ATAD2: variants seen among roughly 807,000 people sequenced by gnomAD.
The protein encoded by ATAD2 is ATPase family AAA domain containing 2.
In ATAD2, 62 loss-of-function variants were observed where a neutral mutation model predicts 168.9. That is an observed-to-expected ratio of 0.37 (90% confidence interval 0.30 to 0.45). The LOEUF is 0.45. Among genes scored for constraint, ATAD2 ranks in the 20% least tolerant of loss-of-function variants. ATAD2 has a pLI of 1.00. For synonymous variants in ATAD2, 613 were observed against 571.6 expected (o/e 1.07, Z -1.03); for missense variants, 1,419 against 1,667.8 (o/e 0.85, Z 2.60).
intron 14 of ATAD2, 104 bp from the exon 15 acceptor site, chr8:123,348,377 T>A: frequency 1.1e-6 from 1 of 950,438 alleles, no homozygotes; most frequent in Non-Finnish European, 1.5e-6. Flanking sequence ...AATTTTAAAG[T>A]GATCAGTACT....
chr8:123,337,430 A>G (rs1353121029), intron 21 of ATAD2, among the ~76,000 whole-genome samples, 195 bp downstream of exon 21: 1 of 152,184 alleles, frequency 6.6e-6, no homozygotes, highest in Non-Finnish European at 1.5e-5. Context: ...GACAAAGTTA[A>G]TTGTCTGCAG....
chr8:123,341,949 G>A (rs1828074667), intron 19 of ATAD2, among the ~76,000 whole-genome samples: 1 of 152,150 alleles, frequency 6.6e-6, no homozygotes, highest in Non-Finnish European at 1.5e-5. Context: ...AGCTGGGCAT[G>A]GTGGCGGATG....
rs1369427753 is a variant in ATAD2 at position 123,396,266 on chromosome 8, A to T, written c.92T>A (p.Leu31Gln). ...GAGCCGCCTCCGGCCGATGTGCTCC[A>T]GACTGAGGAAGTCACTGGACAGGTC... ...SLDLSSDFLS[L>Q]EHIGRRRLRS... is the part of the protein sequence containing the mutation. The change falls in exon 1 of 28, where the codon CTG becomes CAG. Residue 31 changes from leucine (L) to glutamine (Q), a missense_variant. Physicochemically the swap from Leu to Gln is moderately radical, Grantham distance 113 (BLOSUM62 -2). Transcript: ENST00000287394. 2 of 1,610,946 alleles carry T rather than the reference A, an allele frequency of 1.2e-6. No homozygotes were observed. The highest frequency in any genetic ancestry group is 1.7e-5 in the Admixed American group (1 of 59,972).
intron 24 of ATAD2, among the ~76,000 whole-genome samples, chr8:123,332,851 T>C (rs1203223053): frequency 5.5e-5 from 2 of 36,092 alleles, no homozygotes; most frequent in Admixed American, 5.1e-4. Context: ...TTTCCATATA[T>C]ATATATTCTT....
upstream of ATAD2, chr8:123,401,140 C>T: frequency 8.4e-7 from 1 of 1,188,592 alleles, no homozygotes; most frequent in Non-Finnish European, 1.2e-6. Context: ...GGTGGTGGCT[C>T]CAGCAGGAGT....
Position 123,323,021 on chromosome 8 carries a change from A to C in ATAD2, c.4048T>G (p.Phe1350Val). ...ACTGCATACAAATTTTCCAACTGAA[A>C]TATGTTGTAGTTTTGACTTTTTTTA... is the stretch of plus-strand genomic sequence containing the variant. ...VVKKSQNYNI[F>V]QLENLYAVIS... Residue 1350 changes from phenylalanine to valine, a missense_variant, in exon 27 of 28, where the codon TTT (phenylalanine) becomes GTT (valine). Phe to Val is a conservative substitution (Grantham distance 50, BLOSUM62 -1). Coordinates refer to ENST00000287394, the MANE Select transcript of ATAD2 (RefSeq NM_014109.4). 2 of 1,612,730 alleles carry C rather than the reference A, an allele frequency of 1.2e-6. No homozygotes were observed. The highest frequency in any genetic ancestry group is 1.7e-6 in the Non-Finnish European group (2 of 1,178,836).
Position 123,348,192 on chromosome 8 carries a change from T to C in ATAD2, c.1888A>G (p.Asn630Asp), listed in dbSNP as rs1353624620. The change falls in exon 15 of 28, where the codon AAC becomes GAC. Residue 630 changes from asparagine (N) to aspartate (D), a missense_variant. By Grantham distance (23) the Asn-to-Asp change is conservative. Around this residue, in one of 5 missense-constraint regions of ATAD2, gnomAD observed 545 missense variants for 724.9 expected, o/e 0.75. Transcript: ENST00000287394. ...TTAAAACAATGTTTACCAACACAGT[T>C]TTCTGCTAGCTCTTCTAAAAATGTG... is the stretch of plus-strand genomic sequence containing the variant. ...LDTFLEELAE[N>D]CVGYCGADIK... 6.3e-7 allele frequency: 1 copy of C among 1,588,448 alleles called. No individual in the cohort carries two copies. Among genetic ancestry groups the C allele is most frequent in the Non-Finnish European group, 8.5e-7 (1 of 1,169,618 alleles).
chr8:123,334,270 T>G lies in ATAD2; in HGVS notation c.3264A>C (p.Ile1088=). The G allele has an allele frequency of 6.2e-7, 1 of 1,602,788 alleles. No individual in the cohort carries two copies. The highest frequency in any genetic ancestry group is 1.1e-5 in the South Asian group (1 of 88,154). The stretch of plus-strand genomic sequence containing the variant: ...AGTCTTCATCAAGTTCTTCTTTAAT[T>G]ATGGCATAGGCAGTATCTCTTAAAG... The part of the protein sequence containing the change: ...ACALRDTAYA[I]IKEELDEDFE... Residue 1088 remains isoleucine (I), a synonymous_variant, in exon 23 of 28, where the codon ATA becomes ATC. Coordinates refer to ENST00000287394, the MANE Select transcript of ATAD2 (RefSeq NM_014109.4).
chr8:123,325,803 CCCATGTAG>C, intron 26 of ATAD2, 82 bp downstream of exon 26: 2 of 1,481,390 alleles, frequency 1.4e-6, no homozygotes, highest in Non-Finnish European at 9.2e-7. Flanking sequence ...TCATGTAAAT[CCCATGTAG>C]CCAGAATGCT....
chr8:123,413,331 G>T (rs1157759625), intron 1 of ATAD2, among the ~76,000 whole-genome samples: 1 of 150,702 alleles, frequency 6.6e-6, no homozygotes, highest in African/African-American at 2.4e-5. Context: ...ACTGTCAATA[G>T]TTGCTGAATA....
In ATAD2 at chr8:123,371,769, T is replaced by C. The variant is rs1001406630; in HGVS notation, c.437A>G (p.His146Arg). 17 of 1,613,484 alleles carry C rather than the reference T, an allele frequency of 1.1e-5. No individual in the cohort carries two copies. Among genetic ancestry groups the C allele is most frequent in the Admixed American group, 6.7e-5 (4 of 59,874 alleles). ...CACTTCAACATCACCATTATCTTCA[T>C]GTAAGTGTTCTGTACTTTGAACGAT... ...RNIVQSTEHL[H>R]EDNGDVEVRR... The change falls in exon 4 of 28, where the codon CAT becomes CGT. Residue 146 changes from histidine to arginine, a missense_variant. Physicochemically the swap from His to Arg is conservative, Grantham distance 29. Coordinates refer to ENST00000287394, the MANE Select transcript of ATAD2 (RefSeq NM_014109.4).
upstream of ATAD2, chr8:123,400,606 G>T: frequency 1.7e-6 from 1 of 592,632 alleles, no homozygotes; most frequent in South Asian, 1.5e-5. This position sits in a 1 kb window ranked among gnomAD's most constrained non-coding sequence, Gnocchi z 4.5. Context: ...CCAGGGCACC[G>T]GCTGCGTGCC....
chr8:123,402,139 G>T lies in ATAD2; in HGVS notation c.-2281-964C>A. 2 of 775,996 alleles carry T rather than the reference G, an allele frequency of 2.6e-6. 1 individual carries two copies. Among genetic ancestry groups the T allele is most frequent in the South Asian group, 2.9e-5 (2 of 69,268 alleles). The allele number at this position is 775,996 out of a possible 1,614,324, so 48.1% of individuals were successfully genotyped here. ...AGTGGAGGCCGAGGTGGTGGAGGGG[G>T]CACCCCCCAGTGTCCACCTTCGGGC... is the stretch of plus-strand genomic sequence containing the variant. On this transcript the variant is annotated intron_variant, in intron 1 of 28. Transcript: ENST00000521903. The surrounding 1 kb of genome is among the most constrained non-coding windows in gnomAD (Gnocchi z 4.8).
chr8:123,357,788 T>C, intron 11 of ATAD2, 52 bp from the exon 12 acceptor site: 1 of 1,491,304 alleles, frequency 6.7e-7, no homozygotes, highest in Non-Finnish European at 9.0e-7. Flanking sequence ...AGCAGACTTT[T>C]AAAACAAAAA....
In ATAD2 at chr8:123,346,632, A is replaced by G. The variant is rs764020423; in HGVS notation, c.2331T>C (p.Phe777=). 94 of 1,561,430 alleles carry G rather than the reference A, an allele frequency of 6.0e-5. No homozygotes were observed. Among genetic ancestry groups the G allele is most frequent in the Non-Finnish European group, 8.0e-5 (92 of 1,154,968 alleles). The change falls in exon 17 of 28, where the codon TTT becomes TTC. Residue 777 remains phenylalanine (F), a synonymous_variant. Transcript: ENST00000287394. ...GAAAAATATACCTATTCAAATGAAGAAAATTAAAATTGTCTTTTGCCTTAT... is the reference window on the plus strand; with the variant it reads ...GAAAAATATACCTATTCAAATGAAGGAAATTAAAATTGTCTTTTGCCTTAT... The part of the protein sequence containing the change: ...SSHKAKDNFN[F]LHLNRNACYQ...
intron 7 of ATAD2, among the ~76,000 whole-genome samples, chr8:123,369,583 T>A (rs1039971211): frequency 1.3e-5 from 2 of 152,256 alleles, no homozygotes; most frequent in Admixed American, 1.3e-4. Flanking sequence ...CAGTCTAAAG[T>A]AAAGACAGAT....
At chr8:123,370,867 T>A in intron 6 of ATAD2, 36 bp downstream of exon 6, 1 of 1,489,576 alleles carries the variant, frequency 6.7e-7, no homozygotes, top group Non-Finnish European at 9.1e-7. Flanking sequence ...GTTCTTAAAT[T>A]CAATCCCAGA....
chr8:123,324,935 C>T (rs1299306924), intron 26 of ATAD2, among the ~76,000 whole-genome samples: 1 of 151,912 alleles, frequency 6.6e-6, no homozygotes, highest in Non-Finnish European at 1.5e-5. Flanking sequence ...TTGGGCCAGG[C>T]ATGGTGGCTC....
intron 13 of ATAD2, 120 bp downstream of exon 13, chr8:123,356,269 C>T: frequency 4.0e-6 from 3 of 746,272 alleles, no homozygotes; most frequent in East Asian, 3.0e-5. Flanking sequence ...GGTTCTACTA[C>T]CAAAAAAAGG....
Sources: allele counts gnomAD v4.1 joint callset (sites outside exome capture counted in the v4.1 genomes callset), GRCh38; gene constraint gnomAD v4.1.1; regional missense constraint gnomAD v4.1.1; non-coding constraint Gnocchi (gnomAD v3.1); transcripts MANE v1.5; gene names NCBI Gene and HGNC (gene_info 2026-07-23, HGNC 2026-07-21).